The following SPATA31H1 variants were observed in gnomAD, a reference collection of about 807,000 sequenced individuals.
SPATA31H1 encodes spermatogenesis-associated protein 31H1.
the SPATA31H1 span, chr2:27,582,179 A>T: frequency 2.5e-6 from 4 of 1,610,632 alleles, no homozygotes; most frequent in Non-Finnish European, 3.4e-6. Flanking sequence ...AGAGGAGAGG[A>T]CACAGTTCCT....
chr2:27,558,924 GGAGGGAGAGGGA>G, the SPATA31H1 span, among the ~76,000 whole-genome samples: 44 of 87,738 alleles, frequency 5.0e-4, no homozygotes, highest in African/African-American at 1.2e-3. Context: ...AGAGGGAGGG[GGAGGGAGAGGGA>G]GAGGGAGAGG....
the SPATA31H1 span, chr2:27,569,273 T>C: frequency 2.5e-6 from 1 of 398,984 alleles, no homozygotes; most frequent in Non-Finnish European, 4.4e-6. Context: ...ATATGAAGTT[T>C]GTTTACTGCA....
chr2:27,539,213 G>A, the SPATA31H1 span, among the ~76,000 whole-genome samples: 1 of 147,208 alleles, frequency 6.8e-6, no homozygotes, highest in Non-Finnish European at 1.5e-5. Context: ...AGATAAACAA[G>A]TGAACAAAGG....
the SPATA31H1 span, among the ~76,000 whole-genome samples, chr2:27,544,595 C>T: frequency 8.0e-5 from 11 of 138,098 alleles, no homozygotes; most frequent in South Asian, 8.8e-4. Flanking sequence ...AGTACAGTGG[C>T]GCAATCTTGG....
the SPATA31H1 span, chr2:27,578,459 A>C: frequency 6.2e-7 from 1 of 1,613,986 alleles, no homozygotes; most frequent in African/African-American, 1.3e-5. Context: ...TTGAAGCAAT[A>C]AATTGTGTGG....
the SPATA31H1 span, chr2:27,570,013 C>T: frequency 2.5e-6 from 1 of 398,924 alleles, no homozygotes; most frequent in Non-Finnish European, 4.4e-6. Context: ...CCAGAGCCAA[C>T]ACATCAAAGT....
At chr2:27,579,631 C>T in the SPATA31H1 span, 1 of 1,614,154 alleles carries the variant, frequency 6.2e-7, no homozygotes, top group Non-Finnish European at 8.5e-7. Flanking sequence ...GTCTCATGTG[C>T]AGGGGGCCAG....
the SPATA31H1 span, among the ~76,000 whole-genome samples, chr2:27,546,160 T>G: frequency 1.3e-5 from 2 of 152,062 alleles, no homozygotes; most frequent in Non-Finnish European, 2.9e-5. Flanking sequence ...TACAATTGTG[T>G]CTTAATGACC....
At chr2:27,563,385 CTTTTTTTTTTTT>C in the SPATA31H1 span, among the ~76,000 whole-genome samples, 1 of 68,720 alleles carries the variant, frequency 1.5e-5, no homozygotes, top group East Asian at 6.1e-4. Context: ...TCTTCTACTT[CTTTTTTTTTTTT>C]TTTTTTTTTT....
the SPATA31H1 span, chr2:27,576,673 C>G: frequency 6.2e-7 from 1 of 1,614,004 alleles, no homozygotes; most frequent in East Asian, 2.2e-5. Flanking sequence ...CCAGAGCCAA[C>G]TAGGAAGTTC....
the SPATA31H1 span, among the ~76,000 whole-genome samples, chr2:27,556,134 CAAAAAAA>C: frequency 4.3e-5 from 4 of 92,908 alleles, no homozygotes; most frequent in Admixed American, 3.1e-4. Context: ...GACTCCATCT[CAAAAAAA>C]AAAAAAAAAA....
the SPATA31H1 span, chr2:27,572,150 T>C: frequency 2.5e-6 from 1 of 398,424 alleles, no homozygotes; most frequent in Non-Finnish European, 4.4e-6. Context: ...CAGAATCAAA[T>C]ATGCAAGATG....
the SPATA31H1 span, chr2:27,567,084 T>C: frequency 2.8e-6 from 2 of 716,688 alleles, no homozygotes; most frequent in Admixed American, 2.0e-5. Context: ...TCTTTCACCC[T>C]TACAACCTCA....
At chr2:27,566,258 C>T in the SPATA31H1 span, 17 of 713,248 alleles carry the variant, frequency 2.4e-5, no homozygotes, top group Non-Finnish European at 4.4e-5. Context: ...AATGAAACTT[C>T]AATTACATTG....
chr2:27,578,273 A>C, the SPATA31H1 span: 1 of 1,614,208 alleles, frequency 6.2e-7, no homozygotes, highest in African/African-American at 1.3e-5. Flanking sequence ...AATCTACAAA[A>C]TTAATCACAA....
the SPATA31H1 span, among the ~76,000 whole-genome samples, chr2:27,547,591 G>A: frequency 6.6e-6 from 1 of 152,014 alleles, no homozygotes; most frequent in Non-Finnish European, 1.5e-5. Flanking sequence ...GATTGAGAAT[G>A]TATTGGATTT....
At chr2:27,558,744 A>C in the SPATA31H1 span, among the ~76,000 whole-genome samples, 7 of 77,712 alleles carry the variant, frequency 9.0e-5, no homozygotes, top group Middle Eastern at 4.6e-3. Context: ...ACCAAAAAAA[A>C]CCGAAAACCA....
At chr2:27,573,358 C>G in the SPATA31H1 span, 1 of 398,428 alleles carries the variant, frequency 2.5e-6, no homozygotes, top group East Asian at 3.6e-5. Context: ...CAGTGGATAC[C>G]AGGACCTGAG....
At chr2:27,562,497 C>T in the SPATA31H1 span, among the ~76,000 whole-genome samples, 213 of 139,300 alleles carry the variant, frequency 1.5e-3, 1 homozygote, top group East Asian at 0.016. Context: ...GGCAACAGAA[C>T]GAGACCTTGT....
Sources: gnomAD v4.1 joint callset for allele counts (sites outside exome capture counted in the v4.1 genomes callset) on GRCh38, gnomAD v4.1.1 for gene constraint, MANE v1.5 for transcripts, NCBI Gene and HGNC (gene_info 2026-07-23, HGNC 2026-07-21) for gene names.